GPAT3: variants seen among roughly 807,000 people sequenced by gnomAD.
The protein encoded by GPAT3 is glycerol-3-phosphate acyltransferase 3.
In GPAT3, 53 loss-of-function variants were observed where a neutral mutation model predicts 58.8. The ratio of observed to expected loss-of-function variants is 0.90; its 90% CI spans 0.72 to 1.13. The LOEUF is 1.13. Among genes scored for constraint, GPAT3 ranks in the 50% most tolerant of loss-of-function variants. The pLI, the probability that GPAT3 is intolerant of heterozygous loss-of-function variation, is 0.00. For synonymous variants in GPAT3, 197 were observed against 187.4 expected (o/e 1.05, Z -0.42); for missense variants, 511 against 527.6 (o/e 0.97, Z 0.31).
intron 2 of GPAT3, among the ~76,000 whole-genome samples, chr4:83,551,748 C>T (rs1456763027): frequency 6.8e-6 from 1 of 146,546 alleles, no homozygotes; most frequent in Admixed American, 7.0e-5. Flanking sequence ...GCCGAGATTG[C>T]ACCACTGCAC....
At chr4:83,569,695 C>A (rs919836090) in intron 2 of GPAT3, among the ~76,000 whole-genome samples, 4 of 152,152 alleles carry the variant, frequency 2.6e-5, no homozygotes, top group African/African-American at 9.7e-5. Context: ...GGCTGAACTA[C>A]AGCACTGGGG....
chr4:83,564,353 A>G (rs1725302661), intron 2 of GPAT3, among the ~76,000 whole-genome samples: 1 of 152,092 alleles, frequency 6.6e-6, no homozygotes, highest in Non-Finnish European at 1.5e-5. Flanking sequence ...ATGTTTTTTG[A>G]CCATTATTCT....
At chr4:83,580,362 C>T (rs1386947343) in intron 2 of GPAT3, among the ~76,000 whole-genome samples, 1 of 152,020 alleles carries the variant, frequency 6.6e-6, no homozygotes, top group Non-Finnish European at 1.5e-5. Context: ...TCCGTCTTTT[C>T]TTGATTAACA....
At chr4:83,600,673 T>C (rs572588557) in intron 11 of GPAT3, among the ~76,000 whole-genome samples, 2 of 152,048 alleles carry the variant, frequency 1.3e-5, no homozygotes, top group South Asian at 4.2e-4. Flanking sequence ...CAGCTAATTT[T>C]TTTTGTATTT....
intron 2 of GPAT3, among the ~76,000 whole-genome samples, chr4:83,569,418 T>C (rs563843375): frequency 3.3e-5 from 5 of 152,210 alleles, no homozygotes; most frequent in Non-Finnish European, 7.3e-5. Context: ...CCATTTTCTA[T>C]AAACCTTGCC....
At chr4:83,541,247 T>G (rs1391992473) in intron 1 of GPAT3, among the ~76,000 whole-genome samples, 1 of 152,054 alleles carries the variant, frequency 6.6e-6, no homozygotes, top group Non-Finnish European at 1.5e-5. Flanking sequence ...TCTTTTTTTT[T>G]TTTGAGGCAG....
chr4:83,550,801 A>C (rs1019706992), intron 2 of GPAT3, among the ~76,000 whole-genome samples: 1 of 152,186 alleles, frequency 6.6e-6, no homozygotes, highest in African/African-American at 2.4e-5. Context: ...TGGAAATATG[A>C]AAGTTTTTTG....
intron 2 of GPAT3, among the ~76,000 whole-genome samples, chr4:83,548,526 A>G (rs1053962273): frequency 2.6e-5 from 4 of 152,008 alleles, no homozygotes; most frequent in Non-Finnish European, 5.9e-5. Context: ...AATGATTACC[A>G]TGAAAAGTCA....
chr4:83,547,294 C>T (rs1181392244), intron 2 of GPAT3, among the ~76,000 whole-genome samples: 1 of 144,802 alleles, frequency 6.9e-6, no homozygotes, highest in African/African-American at 2.6e-5. Context: ...GCTCTGTCAC[C>T]CAGGCTGGAG....
chr4:83,561,297 T>C (rs1725116620), intron 2 of GPAT3, among the ~76,000 whole-genome samples: 1 of 152,140 alleles, frequency 6.6e-6, no homozygotes, highest in Admixed American at 6.6e-5. Context: ...CAGAAAGAGA[T>C]TACAGGCTTT....
chr4:83,551,924 T>G (rs1305234377), intron 2 of GPAT3, among the ~76,000 whole-genome samples: 2 of 151,440 alleles, frequency 1.3e-5, no homozygotes, highest in African/African-American at 4.9e-5. Flanking sequence ...ATTGTAAACA[T>G]AAAAAAGAGA....
chr4:83,552,728 T>C (rs540117451), intron 2 of GPAT3, among the ~76,000 whole-genome samples: 8 of 152,216 alleles, frequency 5.3e-5, no homozygotes, highest in Non-Finnish European at 1.2e-4. Context: ...GGCATATAAC[T>C]GTGCTTTATG....
intron 3 of GPAT3, among the ~76,000 whole-genome samples, chr4:83,587,039 T>C (rs1726400764): frequency 6.6e-6 from 1 of 152,394 alleles, no homozygotes; most frequent in East Asian, 1.9e-4. Context: ...TGTACTTTAT[T>C]CTGAAACTTA....
Position 83,598,704 on chromosome 4 carries a change from G to C in GPAT3, c.1186G>C (p.Gly396Arg), listed in dbSNP as rs1365195387. Residue 396 changes from glycine to arginine, a missense_variant, in exon 11 of 12, where the codon GGC becomes CGC. Coordinates refer to ENST00000264409, the MANE Select transcript of GPAT3 (RefSeq NM_032717.5). ...RVKSAIAIQGGLTELPWDGGL... is the reference protein window; with the variant it reads ...RVKSAIAIQGRLTELPWDGGL... ...TAAGTCTGCTATTGCTATACAAGGA[G>C]GCCTGACTGAACTTCCCTGGTAAGA... The C allele has an allele frequency of 1.9e-6, 3 of 1,546,930 alleles. No homozygotes were observed. In the East Asian group the frequency reaches 7.4e-5, roughly 38 times the overall value.
chr4:83,595,065 A>G (rs1560631128), intron 7 of GPAT3, 105 bp downstream of exon 7: 3 of 924,244 alleles, frequency 3.2e-6, no homozygotes, highest in Non-Finnish European at 5.0e-6. Flanking sequence ...CAAAACTGAA[A>G]CAGAGCCCTG....
intron 1 of GPAT3, among the ~76,000 whole-genome samples, chr4:83,537,623 G>A (rs28737282): frequency 0.011 from 1,579 of 144,284 alleles, 20 homozygotes; most frequent in East Asian, 0.033. Flanking sequence ...GTGTGTGTGT[G>A]TGTATATTTA....
At chr4:83,551,813 AATCTATCTATCTATCT>A (rs3083939) in intron 2 of GPAT3, among the ~76,000 whole-genome samples, 1 of 102,400 alleles carries the variant, frequency 9.8e-6, no homozygotes, top group African/African-American at 4.7e-5. Context: ...AAAAAAAAAA[AATCTATCTATCTATCT>A]ATCTATCTAT....
chr4:83,545,259 G>A (rs1724463307), intron 2 of GPAT3, among the ~76,000 whole-genome samples: 1 of 152,082 alleles, frequency 6.6e-6, no homozygotes, highest in Non-Finnish European at 1.5e-5. Flanking sequence ...TGGGCAACAT[G>A]GCGAAACCCT....
chr4:83,565,393 G>A (rs891886132), intron 2 of GPAT3, among the ~76,000 whole-genome samples: 4 of 152,036 alleles, frequency 2.6e-5, no homozygotes, highest in African/African-American at 7.3e-5. Context: ...GAGCCACCAC[G>A]CCCAGCCTCC....
Sources: gnomAD v4.1 joint callset for allele counts (sites outside exome capture counted in the v4.1 genomes callset) on GRCh38, gnomAD v4.1.1 for gene constraint, MANE v1.5 for transcripts, NCBI Gene and HGNC (gene_info 2026-07-23, HGNC 2026-07-21) for gene names.